The following CERT1 variants were observed in gnomAD, a reference collection of about 807,000 sequenced individuals.
CERT1 encodes ceramide transporter 1, also known as ceramide transfer protein.
A neutral mutation model predicts 87.9 loss-of-function variants in CERT1; 31 were observed. The ratio of observed to expected loss-of-function variants is 0.35; its 90% confidence interval spans 0.27 to 0.48. CERT1 has a LOEUF of 0.48. CERT1 is among the 20% of genes least tolerant of loss of function. CERT1 has a pLI of 0.99. For synonymous variants in CERT1, 289 were observed against 250.9 expected, an observed-to-expected ratio of 1.15 and a Z score of -1.44; for missense variants, 487 against 758.0, an observed-to-expected ratio of 0.64 and a Z score of 4.20.
chr5:75,446,360 C>A (rs1301103717), intron 3 of CERT1, among the ~76,000 whole-genome samples: 2 of 152,054 alleles, frequency 1.3e-5, no homozygotes, highest in Admixed American at 1.3e-4. Flanking sequence ...TTCAGGTTTT[C>A]TATTTCTTCA....
intron 3 of CERT1, among the ~76,000 whole-genome samples, chr5:75,439,286 T>C (rs1158289033): frequency 6.6e-6 from 1 of 151,818 alleles, no homozygotes; most frequent in Non-Finnish European, 1.5e-5. Context: ...GAAGATAAAC[T>C]CGTACATTAT....
chr5:75,490,264 G>C (rs1488040542), intron 2 of CERT1, among the ~76,000 whole-genome samples: 1 of 151,420 alleles, frequency 6.6e-6, no homozygotes, highest in Non-Finnish European at 1.5e-5. Flanking sequence ...GTTGGCAGTT[G>C]CAACAAACCA....
intron 2 of CERT1, among the ~76,000 whole-genome samples, chr5:75,477,206 C>A (rs1201632672): frequency 6.6e-6 from 1 of 151,996 alleles, no homozygotes; most frequent in Non-Finnish European, 1.5e-5. Flanking sequence ...AGTCTGTATT[C>A]TCTTGTAAAC....
chr5:75,386,724 T>C (rs542853263), intron 12 of CERT1, among the ~76,000 whole-genome samples: 12 of 152,298 alleles, frequency 7.9e-5, no homozygotes, highest in South Asian at 2.1e-4. Context: ...TAGATTTTCT[T>C]AGAGTATCTC....
chr5:75,453,152 T>G (rs1433947428), intron 3 of CERT1, among the ~76,000 whole-genome samples: 1 of 152,212 alleles, frequency 6.6e-6, no homozygotes, highest in East Asian at 1.9e-4. Context: ...CTAGAATGGA[T>G]GCCAAGGAGG....
intron 3 of CERT1, among the ~76,000 whole-genome samples, chr5:75,443,904 TCTTAAAACC>T (rs1252521884): frequency 6.6e-6 from 1 of 152,230 alleles, no homozygotes; most frequent in African/African-American, 2.4e-5. Flanking sequence ...CTTATTTGTC[TCTTAAAACC>T]TTCTCTAACT....
At chr5:75,427,830 T>C (rs1462184327) in intron 3 of CERT1, among the ~76,000 whole-genome samples, 2 of 152,102 alleles carry the variant, frequency 1.3e-5, no homozygotes, top group East Asian at 1.9e-4. Flanking sequence ...TACTTAGAGA[T>C]CAACAGTGAA....
Position 75,450,026 on chromosome 5 carries a change from T to C in CERT1, c.348+9039A>G, listed in dbSNP as rs1159970826. Among the ~76,000 whole-genome samples the C allele has an allele frequency of 4.6e-5, 7 of 152,352 alleles. No homozygotes were observed. In the South Asian group the frequency reaches 1.4e-3, roughly 32 times the overall value. On this transcript the variant is annotated intron_variant, in intron 3 of 16. Transcript: ENST00000643780. Reference sequence around the variant, plus strand: ...TCTTTCTTCACTACTCAGTGTACAATCTTCCCAATCCTTTTACTATCTTGG... The same window carrying C: ...TCTTTCTTCACTACTCAGTGTACAACCTTCCCAATCCTTTTACTATCTTGG...
chr5:75,432,350 G>A (rs75580049), intron 3 of CERT1, among the ~76,000 whole-genome samples: 4,302 of 152,204 alleles, frequency 0.028, 86 homozygotes, highest in Non-Finnish European at 0.042. Flanking sequence ...CACCACGCCC[G>A]GCCAAGCATT....
intron 11 of CERT1, among the ~76,000 whole-genome samples, chr5:75,395,103 T>C (rs1305996088): frequency 6.6e-6 from 1 of 152,188 alleles, no homozygotes; most frequent in Non-Finnish European, 1.5e-5. Flanking sequence ...AACCATTTTT[T>C]GCAATGATGC....
intron 2 of CERT1, among the ~76,000 whole-genome samples, chr5:75,461,120 A>G (rs943924713): frequency 2.0e-5 from 3 of 152,094 alleles, no homozygotes; most frequent in African/African-American, 7.2e-5. Context: ...AATGAAACAT[A>G]TGCTATGTAA....
chr5:75,445,912 T>A (rs1467603643), intron 3 of CERT1, among the ~76,000 whole-genome samples: 1 of 152,228 alleles, frequency 6.6e-6, no homozygotes, highest in Non-Finnish European at 1.5e-5. Context: ...TATTGAGGAT[T>A]CCTTTTATAT....
At chr5:75,503,893 A>ATTTAAATTTTTTG (rs1767521674) in intron 2 of CERT1, among the ~76,000 whole-genome samples, 1 of 152,026 alleles carries the variant, frequency 6.6e-6, no homozygotes. Flanking sequence ...TAAATTAAAC[A>ATTTAAATTTTTTG]TTTAAATTAA....
At position 75,425,628 on chromosome 5, in the gene CERT1, C is replaced by T. The variant is rs1763584122; in HGVS notation, c.457-129G>A. 40 of 785,590 alleles carry T rather than the reference C, an allele frequency of 5.1e-5. No homozygotes were observed. In the South Asian group the frequency reaches 7.9e-4, roughly 16 times the overall value. The allele number at this position is 785,590 out of a possible 1,614,324, so 48.7% of individuals were successfully genotyped here. On this transcript the variant is annotated intron_variant, in intron 4 of 16. Transcript: ENST00000643780. ...GAGGGCATGGGATAAGGAGAGCTGTCTAGTTCAATATAATACTTCTAGGAA... is the reference window on the plus strand; with the variant it reads ...GAGGGCATGGGATAAGGAGAGCTGTTTAGTTCAATATAATACTTCTAGGAA...
intron 5 of CERT1, among the ~76,000 whole-genome samples, chr5:75,423,561 C>G (rs968002186): frequency 6.6e-6 from 1 of 152,078 alleles, no homozygotes; most frequent in Non-Finnish European, 1.5e-5. Flanking sequence ...GGCCACATAG[C>G]GAGACCTCAT....
At chr5:75,407,833 C>T (rs1202126351) in intron 8 of CERT1, among the ~76,000 whole-genome samples, 7 of 143,416 alleles carry the variant, frequency 4.9e-5, no homozygotes, top group African/African-American at 1.3e-4. Flanking sequence ...GGCCTTAAAG[C>T]GTGATAAAAT....
intron 2 of CERT1, among the ~76,000 whole-genome samples, chr5:75,478,245 C>A (rs563600517): frequency 2.0e-5 from 3 of 151,452 alleles, no homozygotes; most frequent in Non-Finnish European, 4.4e-5. Flanking sequence ...ACCCTTAGGG[C>A]GGAGGGTGCA....
chr5:75,445,226 AAAC>A (rs1425184708), intron 3 of CERT1, among the ~76,000 whole-genome samples: 2 of 152,368 alleles, frequency 1.3e-5, no homozygotes, highest in Non-Finnish European at 2.9e-5. Context: ...ATCATGTAGA[AAAC>A]AAAAAGCAGA....
At chr5:75,393,478 T>C (rs895795409) in intron 11 of CERT1, among the ~76,000 whole-genome samples, 2 of 151,240 alleles carry the variant, frequency 1.3e-5, no homozygotes, top group Non-Finnish European at 2.9e-5. Context: ...TGCCTTTTGA[T>C]AGTACAATAA....
Sources: allele counts gnomAD v4.1 joint callset (sites outside exome capture counted in the v4.1 genomes callset), GRCh38; gene constraint gnomAD v4.1.1; transcripts MANE v1.5; gene names NCBI Gene and HGNC (gene_info 2026-07-23, HGNC 2026-07-21).